The following ERICH6 variants were observed in gnomAD, a reference collection of about 807,000 sequenced individuals.
ERICH6 encodes the protein glutamate rich 6, also known as glutamate-rich protein 6.
In ERICH6, 71 loss-of-function variants were observed where a neutral mutation model predicts 71.0. The observed-to-expected ratio is 1.00, with a 90% confidence interval of 0.83 to 1.22. The LOEUF is 1.22. Among genes scored for constraint, ERICH6 ranks in the 50% most tolerant of loss-of-function variants. The pLI is 0.00. For synonymous variants in ERICH6, 262 were observed against 278.4 expected, an observed-to-expected ratio of 0.94 and a Z score of 0.59; for missense variants, 808 against 797.2, an observed-to-expected ratio of 1.01 and a Z score of -0.16.
chr3:150,685,341 GAC>G (rs1015400425), intron 6 of ERICH6, among the ~76,000 whole-genome samples: 34 of 152,214 alleles, frequency 2.2e-4, no homozygotes, highest in Admixed American at 2.0e-3. Context: ...TTTGGACCCA[GAC>G]ACACAGAGAG....
chr3:150,702,216 T>C, intron 1 of ERICH6, 38 bp from the exon 2 acceptor site: 2 of 1,322,398 alleles, frequency 1.5e-6, no homozygotes, highest in Non-Finnish European at 2.1e-6. Context: ...CTATTCCCTC[T>C]AAATCAAAAG....
chr3:150,700,071 T>C (rs535632022), intron 2 of ERICH6, among the ~76,000 whole-genome samples: 20 of 148,394 alleles, frequency 1.3e-4, no homozygotes, highest in Middle Eastern at 3.4e-3. Context: ...TCTTCAGATC[T>C]CTGAGGGAAA....
At chr3:150,679,530 C>A (rs79656653) in intron 9 of ERICH6, among the ~76,000 whole-genome samples, 6,256 of 152,220 alleles carry the variant, frequency 0.041, 195 homozygotes, top group African/African-American at 0.064. Context: ...AATCAGACAG[C>A]CTGTAAGGAG....
chr3:150,663,386 T>C (rs1727290296), intron 13 of ERICH6, among the ~76,000 whole-genome samples: 1 of 152,192 alleles, frequency 6.6e-6, no homozygotes, highest in South Asian at 2.1e-4. Flanking sequence ...TGAAAGAATG[T>C]AGTTGCCATT....
chr3:150,678,024 A>G (rs1576552247), intron 10 of ERICH6, among the ~76,000 whole-genome samples: 2 of 152,192 alleles, frequency 1.3e-5, no homozygotes, highest in East Asian at 3.8e-4. Context: ...CTGAGAAATT[A>G]CACTCTTAAT....
At chr3:150,674,931 G>A (rs141780716) in intron 10 of ERICH6, among the ~76,000 whole-genome samples, 6,053 of 152,014 alleles carry the variant, frequency 0.04, 420 homozygotes, top group African/African-American at 0.14. Context: ...TCAGAAGTTC[G>A]AGACCAGCCT....
rs1324581365 is a variant in ERICH6, at chr3:150,680,767, T to C, written c.1040+6A>G. On this transcript the variant is annotated splice_donor_region_variant and intron_variant, in intron 8 of 13. Transcript: ENST00000295910. ...ATGAGTTTCAGTATCGAAGTCTCAA[T>C]GTTACCTTTGCAGGGCTTTTTCTTT... The C allele has an allele frequency of 3.8e-6, 6 of 1,597,470 alleles. No homozygotes were observed. The highest frequency in any genetic ancestry group is 3.7e-5 in the Admixed American group (2 of 54,402).
At chr3:150,691,728 T>A (rs978318372) in intron 3 of ERICH6, among the ~76,000 whole-genome samples, 12 of 152,104 alleles carry the variant, frequency 7.9e-5, no homozygotes, top group South Asian at 4.1e-4. Context: ...TATTTTTTTT[T>A]AAATTAAGGT....
intron 11 of ERICH6, among the ~76,000 whole-genome samples, chr3:150,669,934 C>T (rs1711497612): frequency 6.6e-6 from 1 of 152,048 alleles, no homozygotes; most frequent in Admixed American, 6.6e-5. Flanking sequence ...TGGCTCATGC[C>T]CATAATCCCA....
intron 7 of ERICH6, among the ~76,000 whole-genome samples, chr3:150,681,807 CTT>C (rs34909258): frequency 0.012 from 814 of 70,210 alleles, 2 homozygotes; most frequent in African/African-American, 0.044. Flanking sequence ...ACACATAACT[CTT>C]TTTTTTTTTT....
intron 3 of ERICH6, among the ~76,000 whole-genome samples, chr3:150,687,181 C>A (rs1175617128): frequency 6.6e-6 from 1 of 152,182 alleles, no homozygotes; most frequent in Non-Finnish European, 1.5e-5. Flanking sequence ...CACTGCAATA[C>A]CACTACAGTC....
At chr3:150,686,051 T>G (rs367905741) in intron 4 of ERICH6, 30 bp from the exon 5 acceptor site, 7 of 1,559,452 alleles carry the variant, frequency 4.5e-6, no homozygotes, top group Non-Finnish European at 6.2e-6. Context: ...TCATAAGAAA[T>G]GTTTAAAGCC....
rs367570666 is a variant in ERICH6 at position 150,703,861 on chromosome 3, G to C, written c.38C>G (p.Pro13Arg). The C allele has an allele frequency of 1.9e-6, 3 of 1,610,070 alleles. No homozygotes were observed. The highest frequency in any genetic ancestry group is 2.2e-5 in the South Asian group (2 of 90,950). Residue 13 changes from proline (P) to arginine (R), a missense_variant, in exon 1 of 14, where the codon CCG becomes CGG. By Grantham distance (103) the Pro-to-Arg change is moderately radical. Around this residue, in one of 3 missense-constraint regions of ERICH6, gnomAD observed 53 missense variants for 40.6 expected, o/e 1.30. Transcript: ENST00000295910. The part of the protein sequence containing the change: ...HLRSPSGFGD[P>R]GKKDQKESEE... ...TGACTCCTTCTGGTCCTTCTTCCCC[G>C]GGTCTCCGAAGCCGCTAGGCGAGCG...
chr3:150,695,785 A>G (rs1402635377), intron 3 of ERICH6, among the ~76,000 whole-genome samples: 1 of 150,618 alleles, frequency 6.6e-6, no homozygotes, highest in Non-Finnish European at 1.5e-5. Context: ...TACTATATAT[A>G]TATATATGAA....
Position 150,680,515 on chromosome 3 carries a change from C to T in ERICH6, c.1064G>A (p.Arg355Lys). Residue 355 changes from arginine to lysine, a missense_variant, in exon 9 of 14, where the codon AGA becomes AAA. Arg to Lys is a conservative substitution (Grantham distance 26, BLOSUM62 2). Transcript: ENST00000295910. ...LQRKQEQRMARHFAIISREQT... is the reference protein window; with the variant it reads ...LQRKQEQRMAKHFAIISREQT... Reference sequence around the variant, plus strand: ...TTCCCTTGATATTATTGCAAAATGTCTGGCCATTCGTTGCTCCTGTTTCCT... The same window carrying T: ...TTCCCTTGATATTATTGCAAAATGTTTGGCCATTCGTTGCTCCTGTTTCCT... The T allele has an allele frequency of 6.2e-7, 1 of 1,614,148 alleles. No individual in the cohort carries two copies. Among genetic ancestry groups the T allele is most frequent in the Non-Finnish European group, 8.5e-7 (1 of 1,179,988 alleles).
At chr3:150,660,877 G>A (rs1727196044) in intron 13 of ERICH6, among the ~76,000 whole-genome samples, 1 of 152,206 alleles carries the variant, frequency 6.6e-6, no homozygotes, top group Admixed American at 6.5e-5. Context: ...ACCTGCAAAG[G>A]TGATACTTAC....
rs1711497163 is a variant in ERICH6 at position 150,669,536 on chromosome 3, A to C, written c.1344-85T>G. On this transcript the variant is annotated intron_variant, in intron 11 of 13. Transcript: ENST00000295910. ...ATTCAATTTATGAGAGAGCACTCTG[A>C]AATCATAAAGCATTCTGAAAATGGG... is the stretch of plus-strand genomic sequence containing the variant. 6.3e-6 allele frequency: 9 copies of C among 1,432,876 alleles called. No homozygotes were observed. In the South Asian group the frequency reaches 1.0e-4, roughly 16 times the overall value. The allele number at this position is 1,432,876 out of a possible 1,614,324, so 88.8% of individuals were successfully genotyped here.
chr3:150,676,810 A>T (rs531975146), intron 10 of ERICH6, among the ~76,000 whole-genome samples: 6 of 123,212 alleles, frequency 4.9e-5, no homozygotes, highest in African/African-American at 1.5e-4. Context: ...CTAATTAATT[A>T]AAAAAAAATT....
intron 3 of ERICH6, among the ~76,000 whole-genome samples, chr3:150,697,274 A>G (rs1362336446): frequency 1.3e-5 from 2 of 152,214 alleles, no homozygotes; most frequent in East Asian, 3.8e-4. Context: ...TAGTGGTGAC[A>G]TCTGAAATTG....
Sources: gnomAD v4.1 joint callset for allele counts (sites outside exome capture counted in the v4.1 genomes callset) on GRCh38, gnomAD v4.1.1 for gene constraint, gnomAD v4.1.1 regional missense constraint, MANE v1.5 for transcripts, NCBI Gene and HGNC (gene_info 2026-07-23, HGNC 2026-07-21) for gene names.